BPTF: variants seen among roughly 807,000 people sequenced by gnomAD.
The protein encoded by BPTF is bromodomain PHD finger transcription factor, also known as nucleosome-remodeling factor subunit BPTF.
Under a neutral mutation model 292.5 loss-of-function variants are expected in BPTF, and 18 were observed. The observed-to-expected ratio is 0.06, with a 90% confidence interval of 0.04 to 0.09. The LOEUF (loss-of-function observed/expected upper bound fraction) is 0.09. Among genes scored for constraint, BPTF ranks in the 10% least tolerant of loss-of-function variants. The pLI, the probability that BPTF is intolerant of heterozygous loss-of-function variation, is 1.00. For synonymous variants in BPTF, 1,225 were observed against 1,251.9 expected (o/e 0.98, Z 0.45); for missense variants, 2,726 against 3,498.7 (o/e 0.78, Z 5.57).
chr17:67,911,555 A>C lies in BPTF; in HGVS notation c.3671A>C (p.Asp1224Ala). ...GATGACTCTAAACTAGCCAGTGCAG[A>C]TGATATTGGTACTTTGATCTGTAAG... ...FIDDSKLASA[D>A]DIGTLICKNK... The change falls in exon 11 of 28, where the codon GAT (aspartate) becomes GCT (alanine). Residue 1224 changes from aspartate to alanine, a missense_variant. Asp to Ala is a moderately radical substitution (Grantham distance 126, BLOSUM62 -2). Around this residue, in one of 22 missense-constraint regions of BPTF, gnomAD observed 713 missense variants for 714.9 expected, o/e 1.00. Coordinates refer to ENST00000306378, the MANE Select transcript of BPTF (RefSeq NM_182641.4). The C allele has an allele frequency of 6.2e-7, 1 of 1,614,186 alleles. No individual in the cohort carries two copies. The highest frequency in any genetic ancestry group is 1.3e-5 in the African/African-American group (1 of 75,050).
intron 3 of BPTF, among the ~76,000 whole-genome samples, chr17:67,873,691 C>T (rs2059889732): frequency 6.6e-6 from 1 of 152,114 alleles, no homozygotes; most frequent in African/African-American, 2.4e-5. Context: ...GAACCCTATA[C>T]AGACACATAG....
At chr17:67,947,968 G>T in intron 22 of BPTF, 113 bp from the exon 23 acceptor site, 2 of 1,283,134 alleles carry the variant, frequency 1.6e-6, no homozygotes, top group Non-Finnish European at 2.2e-6. Context: ...CACTCTTGAC[G>T]TTTTCCAGTC....
chr17:67,960,478 G>A (rs1463136020), intron 24 of BPTF: 3 of 152,172 alleles, frequency 2.0e-5, no homozygotes, highest in African/African-American at 7.2e-5. Flanking sequence ...CAACAGTTTG[G>A]CAGCTGGAAG....
chr17:67,886,344 A>C, intron 4 of BPTF: 1 of 1,419,128 alleles, frequency 7.0e-7, no homozygotes, highest in Non-Finnish European at 9.4e-7. Flanking sequence ...CCATTCCTTT[A>C]AAGGGAAGTT....
rs959065240 is a variant in BPTF, at chr17:67,878,924, T to G, written c.1864+3904T>G. Among the ~76,000 whole-genome samples the G allele has an allele frequency of 1.8e-4, 28 of 152,176 alleles. 1 individual carries two copies. Among genetic ancestry groups the G allele is most frequent in the Admixed American group, 1.8e-3 (28 of 15,272 alleles). ...TATAACTTGTTGTGATGTATTTTCC[T>G]TGTTATATATTATAGCATCCAGTTT... is the stretch of plus-strand genomic sequence containing the variant. On this transcript the variant is annotated intron_variant, in intron 4 of 27. Transcript: ENST00000306378.
chr17:67,923,661 G>T (rs1488764050), intron 14 of BPTF, among the ~76,000 whole-genome samples: 1 of 149,844 alleles, frequency 6.7e-6, no homozygotes, highest in East Asian at 2.0e-4. Context: ...TGTATTTTTA[G>T]TAGAGACGGG....
chr17:67,866,910 G>A (rs114482789), intron 3 of BPTF, among the ~76,000 whole-genome samples: 84 of 152,306 alleles, frequency 5.5e-4, no homozygotes, highest in African/African-American at 1.7e-3. Context: ...ATACGGCATA[G>A]CCTGTTGCTG....
chr17:67,939,709 C>T (rs1275750700), intron 18 of BPTF, among the ~76,000 whole-genome samples: 1 of 152,154 alleles, frequency 6.6e-6, no homozygotes, highest in Admixed American at 6.5e-5. Flanking sequence ...AACCCCATCT[C>T]TATTAAAACA....
At chr17:67,931,384 G>T (rs541748893) in intron 17 of BPTF, among the ~76,000 whole-genome samples, 1 of 152,260 alleles carries the variant, frequency 6.6e-6, no homozygotes, top group South Asian at 2.1e-4. Context: ...GAGGCAGGAG[G>T]ATTGCTTAAG....
chr17:67,980,240 G>A (rs2070177231), intron 27 of BPTF, among the ~76,000 whole-genome samples: 1 of 152,094 alleles, frequency 6.6e-6, no homozygotes, highest in African/African-American at 2.4e-5. Context: ...AGCTACTGGG[G>A]AGGCTGAGGC....
intron 15 of BPTF, 73 bp downstream of exon 15, chr17:67,924,662 T>A (rs2063722517): frequency 1.3e-6 from 2 of 1,534,474 alleles, no homozygotes; most frequent in Non-Finnish European, 1.8e-6. Flanking sequence ...GCACTTGACC[T>A]CCCATCAGCA....
intron 1 of BPTF, among the ~76,000 whole-genome samples, chr17:67,843,653 A>T (rs897149732): frequency 1.3e-5 from 2 of 149,332 alleles, no homozygotes; most frequent in Non-Finnish European, 3.0e-5. Context: ...AGCTTAGTTA[A>T]TGTCTCTGTA....
chr17:67,873,656 G>T (rs1254295910), intron 3 of BPTF, among the ~76,000 whole-genome samples: 1 of 152,102 alleles, frequency 6.6e-6, no homozygotes, highest in Non-Finnish European at 1.5e-5. Context: ...AGAAGTTACA[G>T]ATAAGCAAGT....
chr17:67,912,970 C>A lies in BPTF; in HGVS notation c.5086C>A (p.Pro1696Thr), dbSNP rs2062749595. ...AGTGAAACTGATGAAATTTTCAAGA[C>A]CAAAGAAGACTCGTTCAGGTACAGC... ...DKVKLMKFSR[P>T]KKTRSGTALP... Residue 1696 changes from proline (P) to threonine (T), a missense_variant, in exon 11 of 28, where the codon CCA (proline) becomes ACA (threonine). By Grantham distance (38) the Pro-to-Thr change is conservative (BLOSUM62 -1). Transcript: ENST00000306378. The A allele has an allele frequency of 1.9e-6, 3 of 1,613,984 alleles. No individual in the cohort carries two copies. Among genetic ancestry groups the A allele is most frequent in the Non-Finnish European group, 2.5e-6 (3 of 1,180,016 alleles).
At chr17:67,834,616 A>G (rs1157899009) in intron 1 of BPTF, among the ~76,000 whole-genome samples, 3 of 152,144 alleles carry the variant, frequency 2.0e-5, no homozygotes, top group Admixed American at 6.5e-5. Context: ...TAAAGTCCAT[A>G]AACCTTTAGG....
intron 1 of BPTF, among the ~76,000 whole-genome samples, chr17:67,834,706 T>G (rs1002340117): frequency 3.3e-5 from 5 of 152,190 alleles, no homozygotes; most frequent in African/African-American, 1.2e-4. Flanking sequence ...GAAATGGGCT[T>G]TTAATATCTG....
chr17:67,949,880 C>T (rs1053528199), intron 23 of BPTF, among the ~76,000 whole-genome samples: 1 of 150,894 alleles, frequency 6.6e-6, no homozygotes, highest in Non-Finnish European at 1.5e-5. Context: ...CGTGGTGAAA[C>T]TCCGTCTCTA....
chr17:67,846,819 G>C (rs1374480567), intron 1 of BPTF, among the ~76,000 whole-genome samples: 2 of 152,148 alleles, frequency 1.3e-5, no homozygotes, highest in African/African-American at 2.4e-5. Context: ...TAGTGCCTCA[G>C]CTTCTGGAGT....
intron 9 of BPTF, among the ~76,000 whole-genome samples, chr17:67,907,902 A>G (rs2062346421): frequency 6.6e-6 from 1 of 152,226 alleles, no homozygotes; most frequent in Non-Finnish European, 1.5e-5. Context: ...TACTGTAAGC[A>G]GTAAACAAGG....
Sources: allele counts gnomAD v4.1 joint callset (sites outside exome capture counted in the v4.1 genomes callset), GRCh38; gene constraint gnomAD v4.1.1; regional missense constraint gnomAD v4.1.1; transcripts MANE v1.5; gene names NCBI Gene and HGNC (gene_info 2026-07-23, HGNC 2026-07-21).